The following COL5A2 variants were observed in gnomAD, a reference collection of about 807,000 sequenced individuals.
COL5A2 encodes collagen type V alpha 2 chain.
COL5A2 carries 23 observed loss-of-function variants against 208.2 expected under a neutral mutation model. The ratio of observed to expected loss-of-function variants is 0.11; its 90% CI spans 0.08 to 0.16. The LOEUF (loss-of-function observed/expected upper bound fraction) is 0.16, where lower values mean the gene tolerates loss of function less well. Ranked by LOEUF, COL5A2 falls within the 10% of genes least tolerant of loss-of-function variation. COL5A2 has a pLI of 1.00. For synonymous variants in COL5A2, 625 were observed against 628.5 expected, an observed-to-expected ratio of 0.99 and a Z score of 0.08; for missense variants, 1,590 against 1,956.4, an observed-to-expected ratio of 0.81 and a Z score of 3.53.
At chr2:189,153,925 C>T (rs891607907) in intron 1 of COL5A2, among the ~76,000 whole-genome samples, 1 of 151,960 alleles carries the variant, frequency 6.6e-6, no homozygotes, top group Admixed American at 6.6e-5. Context: ...CTGTATAGAC[C>T]CCCTAAGATT....
the COL5A2 span, among the ~76,000 whole-genome samples, chr2:189,299,929 G>C: frequency 1.3e-5 from 2 of 152,180 alleles, no homozygotes; most frequent in African/African-American, 4.8e-5. Flanking sequence ...AGTGGAACTA[G>C]AGACTTGTGT....
At chr2:189,160,055 G>A (rs1379119829) in intron 1 of COL5A2, among the ~76,000 whole-genome samples, 2 of 151,932 alleles carry the variant, frequency 1.3e-5, no homozygotes, top group Non-Finnish European at 2.9e-5. Flanking sequence ...GTTGTTCTTG[G>A]TGACTAAAAT....
At chr2:189,401,840 C>CATGTT in the COL5A2 span, among the ~76,000 whole-genome samples, 3 of 151,970 alleles carry the variant, frequency 2.0e-5, no homozygotes, top group East Asian at 5.8e-4. Context: ...AGCTTTTTTT[C>CATGTT]ATGTTTGTTG....
At chr2:189,056,330 T>C (rs566262189) in intron 35 of COL5A2, among the ~76,000 whole-genome samples, 3 of 152,216 alleles carry the variant, frequency 2.0e-5, no homozygotes, top group Non-Finnish European at 4.4e-5. Flanking sequence ...TAGCCACTCT[T>C]ACATGAGGAA....
chr2:189,399,557 G>A, the COL5A2 span, among the ~76,000 whole-genome samples: 6 of 152,100 alleles, frequency 3.9e-5, no homozygotes, highest in East Asian at 3.9e-4. Flanking sequence ...GCCTACATTC[G>A]TTTTTGAAGG....
intron 45 of COL5A2, 148 bp from the exon 46 acceptor site, chr2:189,046,055 T>C (rs1685660743): frequency 4.2e-6 from 2 of 478,182 alleles, no homozygotes; most frequent in Non-Finnish European, 7.1e-6. Context: ...ATTTTACTTA[T>C]ATTTATTAAT....
At chr2:189,051,573 T>A in intron 41 of COL5A2, 92 bp from the exon 42 acceptor site, 7 of 1,180,706 alleles carry the variant, frequency 5.9e-6, no homozygotes, top group Non-Finnish European at 8.1e-6. Flanking sequence ...GATGCAGATG[T>A]CCAAGCCTCG....
intron 1 of COL5A2, among the ~76,000 whole-genome samples, chr2:189,156,891 G>A (rs1021962482): frequency 1.3e-5 from 2 of 151,882 alleles, no homozygotes; most frequent in African/African-American, 4.8e-5. Flanking sequence ...TAAAATAGTG[G>A]AAATATGGCT....
In COL5A2 at chr2:189,041,418, T is replaced by A. The variant is rs763737200; in HGVS notation, c.3633+168A>T. 1.6e-4 allele frequency among the ~76,000 whole-genome samples: 25 copies of A among 152,238 alleles called. 1 individual carries two copies. Among genetic ancestry groups the A allele is most frequent in the Non-Finnish European group, 3.4e-4 (23 of 68,044 alleles). ...CTCTGATTTTATGTGCTCTAACTTATCTGTATTAAAATACTTGAAATAGTT... is the reference window on the plus strand; with the variant it reads ...CTCTGATTTTATGTGCTCTAACTTAACTGTATTAAAATACTTGAAATAGTT... On this transcript the variant is annotated intron_variant, in intron 50 of 53. Transcript: ENST00000374866.
At position 189,080,962 on chromosome 2, in the gene COL5A2, T is replaced by C. The variant is rs146340989; in HGVS notation, c.906+28A>G. The C allele has an allele frequency of 0.013, 21,044 of 1,596,222 alleles. 160 individuals are homozygous for C. Among genetic ancestry groups the C allele is most frequent in the Non-Finnish European group, 0.015 (18,026 of 1,163,874 alleles). Reference sequence around the variant, plus strand: ...AGCCTGTTCACTAAACCACAGTATCTGAGAGGATTACAATAGATTGAACTT... The same window carrying C: ...AGCCTGTTCACTAAACCACAGTATCCGAGAGGATTACAATAGATTGAACTT... On this transcript the variant is annotated intron_variant, in intron 13 of 53. Transcript: ENST00000374866.
the COL5A2 span, among the ~76,000 whole-genome samples, chr2:189,344,839 G>T: frequency 6.6e-6 from 1 of 152,196 alleles, no homozygotes; most frequent in South Asian, 2.1e-4. Context: ...CCAAAAATGG[G>T]CAGGTAGCTG....
chr2:189,411,286 T>C, the COL5A2 span, among the ~76,000 whole-genome samples: 1 of 152,210 alleles, frequency 6.6e-6, no homozygotes, highest in Non-Finnish European at 1.5e-5. Flanking sequence ...AATAATAAAT[T>C]ATGATTTGAT....
the COL5A2 span, among the ~76,000 whole-genome samples, chr2:189,345,645 G>A: frequency 6.6e-6 from 1 of 152,206 alleles, no homozygotes; most frequent in African/African-American, 2.4e-5. Flanking sequence ...TGCCATAGAA[G>A]TGGGTCAAGT....
Position 189,058,675 on chromosome 2 carries a change from T to C in COL5A2, c.2131-148A>G, listed in dbSNP as rs10178611. The C allele has an allele frequency of 0.76, 730,503 of 955,516 alleles. 283,107 individuals are homozygous for C. The highest frequency in any genetic ancestry group is 0.81 in the Non-Finnish European group (497,313 of 613,302). The allele number at this position is 955,516 out of a possible 1,614,324, so 59.2% of individuals were successfully genotyped here. On this transcript the variant is annotated intron_variant, in intron 32 of 53. Coordinates refer to ENST00000374866, the MANE Select transcript of COL5A2 (RefSeq NM_000393.5). ...TTCTAATTTAGTGATAAGAAATAAA[T>C]TTGAAGTAAGGATATGCTAGTTTCA...
At chr2:189,248,055 A>G in the COL5A2 span, among the ~76,000 whole-genome samples, 1 of 152,338 alleles carries the variant, frequency 6.6e-6, no homozygotes, top group Non-Finnish European at 1.5e-5. Flanking sequence ...TTTATACCCA[A>G]AATAGTTTAA....
the COL5A2 span, among the ~76,000 whole-genome samples, chr2:189,257,475 A>G: frequency 1.3e-5 from 2 of 152,368 alleles, no homozygotes; most frequent in African/African-American, 4.8e-5. Flanking sequence ...GAGCTTCAAT[A>G]TAGTCAAATG....
At chr2:189,274,825 A>C in the COL5A2 span, among the ~76,000 whole-genome samples, 6 of 152,236 alleles carry the variant, frequency 3.9e-5, no homozygotes, top group African/African-American at 1.2e-4. Context: ...TATTGTTTCA[A>C]ATATTTCTAG....
the COL5A2 span, among the ~76,000 whole-genome samples, chr2:189,245,436 C>T: frequency 6.6e-6 from 1 of 151,734 alleles, no homozygotes; most frequent in South Asian, 2.1e-4. Flanking sequence ...CTATGGTATG[C>T]CTACTATATC....
intron 1 of COL5A2, among the ~76,000 whole-genome samples, chr2:189,153,027 A>G (rs1688175865): frequency 6.6e-6 from 1 of 152,080 alleles, no homozygotes; most frequent in Admixed American, 6.6e-5. Flanking sequence ...TATTTTTTGT[A>G]TTTTCTCATC....
Sources: allele counts gnomAD v4.1 joint callset (sites outside exome capture counted in the v4.1 genomes callset), GRCh38; gene constraint gnomAD v4.1.1; transcripts MANE v1.5; gene names NCBI Gene and HGNC (gene_info 2026-07-23, HGNC 2026-07-21).